Variants in LIN54 observed in about 807,000 individuals in gnomAD.
LIN54 encodes the protein lin-54 DREAM MuvB core complex component.
LIN54 carries 9 observed loss-of-function variants against 78.7 expected under a neutral mutation model. That is an observed-to-expected ratio of 0.11 (90% CI 0.07 to 0.20). The LOEUF is 0.20. Ranked by LOEUF, LIN54 falls within the 10% of genes least tolerant of loss-of-function variation. The pLI is 1.00. For synonymous variants in LIN54, 269 were observed against 318.4 expected (o/e 0.84, Z 1.65); for missense variants, 573 against 889.9 (o/e 0.64, Z 4.53).
At chr4:82,966,160 A>G (rs1396268715) in intron 4 of LIN54, among the ~76,000 whole-genome samples, 1 of 152,152 alleles carries the variant, frequency 6.6e-6, no homozygotes, top group Non-Finnish European at 1.5e-5. Flanking sequence ...GATTTCATCT[A>G]TATCCATAGT....
intron 11 of LIN54, among the ~76,000 whole-genome samples, chr4:82,933,295 G>A (rs10030736): frequency 1.0e-3 from 157 of 150,244 alleles, no homozygotes; most frequent in African/African-American, 3.7e-3. Context: ...AGAACCATAG[G>A]AAAGACATTA....
chr4:83,001,321 G>A (rs1468861428), intron 1 of LIN54, among the ~76,000 whole-genome samples: 2 of 140,868 alleles, frequency 1.4e-5, no homozygotes, highest in South Asian at 2.3e-4. Flanking sequence ...GGAGGCCAAG[G>A]TGAGGGGATC....
chr4:82,936,061 C>G lies in LIN54; in HGVS notation c.1765G>C (p.Gly589Arg), dbSNP rs1180754513. The stretch of plus-strand genomic sequence containing the variant: ...TTGCTATGACGTCGATCAGATTCTC[C>G]CTCCTTTCCTTTCCCTATCTTAGGC... ...FKPKIGKGKEGESDRRHSKGC... is the reference protein window; with the variant it reads ...FKPKIGKGKERESDRRHSKGC... Residue 589 changes from glycine (G) to arginine (R), a missense_variant, in exon 11 of 13, where the codon GGA becomes CGA. Gly to Arg is a moderately radical substitution (Grantham distance 125, BLOSUM62 -2). Coordinates refer to ENST00000340417, the MANE Select transcript of LIN54 (RefSeq NM_194282.4). 1 of 1,613,958 alleles carries G rather than the reference C, an allele frequency of 6.2e-7. No individual in the cohort carries two copies. Among genetic ancestry groups the G allele is most frequent in the East Asian group, 2.2e-5 (1 of 44,874 alleles).
At chr4:82,957,699 T>G (rs916626976) in intron 4 of LIN54, among the ~76,000 whole-genome samples, 2 of 152,238 alleles carry the variant, frequency 1.3e-5, no homozygotes, top group African/African-American at 2.4e-5. Flanking sequence ...CCAACTGTAG[T>G]TGAATCCCCT....
chr4:83,005,053 C>T (rs928494155), intron 1 of LIN54, among the ~76,000 whole-genome samples: 1 of 152,018 alleles, frequency 6.6e-6, no homozygotes, highest in African/African-American at 2.4e-5. Flanking sequence ...CACCACCATG[C>T]CCGGTTCATG....
intron 5 of LIN54, among the ~76,000 whole-genome samples, chr4:82,942,858 GCGCACACACACA>G (rs1267621169): frequency 0.03 from 1,146 of 38,398 alleles, 8 homozygotes; most frequent in African/African-American, 0.18. Context: ...GCGTGTGCGC[GCGCACACACACA>G]CACACACACA....
chr4:82,940,637 G>GT (rs1435766410), intron 5 of LIN54, among the ~76,000 whole-genome samples: 1 of 152,210 alleles, frequency 6.6e-6, no homozygotes, highest in Non-Finnish European at 1.5e-5. Flanking sequence ...CCGACCTCAG[G>GT]TGATCCACCC....
chr4:82,939,318 C>T (rs1722645254), intron 7 of LIN54, among the ~76,000 whole-genome samples: 1 of 152,198 alleles, frequency 6.6e-6, no homozygotes, highest in Admixed American at 6.5e-5. Context: ...CTGCTCTCAG[C>T]TCCAAATTGT....
At chr4:82,972,575 T>C (rs1725751951) in intron 3 of LIN54, among the ~76,000 whole-genome samples, 1 of 152,184 alleles carries the variant, frequency 6.6e-6, no homozygotes, top group Non-Finnish European at 1.5e-5. Context: ...GAAGCCCCAA[T>C]AACCATTCTG....
At chr4:82,987,116 C>G (rs557299897) in intron 1 of LIN54, among the ~76,000 whole-genome samples, 1 of 152,310 alleles carries the variant, frequency 6.6e-6, no homozygotes, top group African/African-American at 2.4e-5. Flanking sequence ...CATGGCAAAA[C>G]CCCATCTCTA....
chr4:82,944,240 C>A (rs1158144393), intron 5 of LIN54, among the ~76,000 whole-genome samples: 1 of 152,128 alleles, frequency 6.6e-6, no homozygotes, highest in Non-Finnish European at 1.5e-5. Context: ...TAAAGGCATA[C>A]TCTTGCTAAT....
intron 1 of LIN54, among the ~76,000 whole-genome samples, chr4:83,000,829 T>TTTTTTCTTTTTTTTC (rs950923009): frequency 6.9e-6 from 1 of 144,530 alleles, no homozygotes; most frequent in African/African-American, 2.6e-5. Flanking sequence ...AATAAATTCT[T>TTTTTTCTTTTTTTTC]TTTTTTTTTT....
intron 2 of LIN54, among the ~76,000 whole-genome samples, chr4:82,979,766 T>G (rs1362249897): frequency 6.6e-6 from 1 of 151,558 alleles, no homozygotes; most frequent in Non-Finnish European, 1.5e-5. Context: ...GGTGAAACCC[T>G]GTCTCTACAA....
At chr4:82,957,837 T>C (rs1278716325) in intron 4 of LIN54, among the ~76,000 whole-genome samples, 4 of 152,178 alleles carry the variant, frequency 2.6e-5, no homozygotes, top group Admixed American at 6.5e-5. Flanking sequence ...GGTCTGTGTA[T>C]CTATTTTTGC....
Position 82,926,150 on chromosome 4 carries a change from C to T in LIN54, c.*1952G>A, listed in dbSNP as rs537200438. 1 of 152,632 alleles carries T rather than the reference C, an allele frequency of 6.6e-6. No homozygotes were observed. The highest frequency in any genetic ancestry group is 2.1e-4 in the South Asian group (1 of 4,830). The allele number at this position is 152,632 out of a possible 1,614,324, so 9.5% of individuals were successfully genotyped here. A position where few individuals can be genotyped will look rare whatever the true frequency, so the allele number is the denominator to read the frequency against. ...AAATTTCACGAACATTTTCTGCACA[C>T]TGTATATAAATACACATCACAAAGG... On this transcript the variant is annotated 3_prime_UTR_variant, in exon 13 of 13. Coordinates refer to ENST00000340417, the MANE Select transcript of LIN54 (RefSeq NM_194282.4).
intron 3 of LIN54, among the ~76,000 whole-genome samples, chr4:82,971,475 C>T (rs774290768): frequency 3.3e-5 from 5 of 151,846 alleles, no homozygotes; most frequent in Non-Finnish European, 7.4e-5. Flanking sequence ...AGAGAAGATA[C>T]CTTTTTGAAC....
chr4:82,993,561 T>G (rs1445824743), intron 1 of LIN54, among the ~76,000 whole-genome samples: 2 of 151,962 alleles, frequency 1.3e-5, no homozygotes, highest in African/African-American at 4.8e-5. Context: ...ACCAAAATAC[T>G]AAATGATGCC....
intron 4 of LIN54, among the ~76,000 whole-genome samples, chr4:82,955,759 C>CA (rs59841779): frequency 0.98 from 144,110 of 146,766 alleles, 70,779 homozygotes; most frequent in East Asian, 1. Flanking sequence ...TATCTCATTA[C>CA]AAAAAAAAAA....
chr4:82,960,693 T>C (rs1369675427), intron 4 of LIN54, among the ~76,000 whole-genome samples: 1 of 152,142 alleles, frequency 6.6e-6, no homozygotes. Flanking sequence ...AAAGTTTTGG[T>C]TTACACAGAT....
Sources: gnomAD v4.1 joint callset for allele counts (sites outside exome capture counted in the v4.1 genomes callset) on GRCh38, gnomAD v4.1.1 for gene constraint, MANE v1.5 for transcripts, NCBI Gene and HGNC (gene_info 2026-07-23, HGNC 2026-07-21) for gene names.